The following MEF2C variants were observed in gnomAD, a reference collection of about 807,000 sequenced individuals.
MEF2C encodes the protein myocyte enhancer factor 2C.
In MEF2C, 6 loss-of-function variants were observed where a neutral mutation model predicts 50.5. The ratio of observed to expected loss-of-function variants is 0.12; its 90% confidence interval spans 0.07 to 0.23. MEF2C has a LOEUF of 0.23. Among genes scored for constraint, MEF2C ranks in the 10% least tolerant of loss-of-function variants. The pLI is 1.00. For missense variants in MEF2C, 276 were observed against 605.0 expected, an observed-to-expected ratio of 0.46 and a Z score of 5.70; for synonymous variants, 183 against 228.0, an observed-to-expected ratio of 0.80 and a Z score of 1.78.
At chr5:88,759,937 G>C (rs1777101456) in intron 4 of MEF2C, among the ~76,000 whole-genome samples, 2 of 152,200 alleles carry the variant, frequency 1.3e-5, no homozygotes, top group African/African-American at 2.4e-5. Context: ...TGTGAATTTG[G>C]CCTCGAACTT....
At chr5:88,808,921 A>G (rs1581047411) in intron 2 of MEF2C, among the ~76,000 whole-genome samples, 1 of 152,118 alleles carries the variant, frequency 6.6e-6, no homozygotes, top group East Asian at 1.9e-4. Context: ...TTTAAATAAC[A>G]TGTTTGGAAC....
chr5:88,854,464 A>G (rs1193332863), intron 1 of MEF2C, among the ~76,000 whole-genome samples: 1 of 152,222 alleles, frequency 6.6e-6, no homozygotes, highest in African/African-American at 2.4e-5. Context: ...AGTAAACACC[A>G]TAAAAGAGAC....
intron 5 of MEF2C, among the ~76,000 whole-genome samples, chr5:88,750,606 G>A (rs1772263754): frequency 6.6e-6 from 1 of 152,170 alleles, no homozygotes; most frequent in Non-Finnish European, 1.5e-5. Flanking sequence ...TTATCAAATA[G>A]GAAAGTGAAC....
chr5:88,758,702 T>G (rs1462475537), intron 4 of MEF2C, among the ~76,000 whole-genome samples: 1 of 152,178 alleles, frequency 6.6e-6, no homozygotes, highest in Non-Finnish European at 1.5e-5. Flanking sequence ...AACTGGGCTT[T>G]TCATCGTGAA....
At chr5:88,758,340 G>C (rs1424470072) in intron 4 of MEF2C, among the ~76,000 whole-genome samples, 1 of 152,044 alleles carries the variant, frequency 6.6e-6, no homozygotes, top group African/African-American at 2.4e-5. Context: ...TCCTCAGACG[G>C]AGGTGTTTTC....
chr5:88,723,013 C>G (rs1756877767), intron 10 of MEF2C, 88 bp from the exon 11 acceptor site: 1 of 1,146,062 alleles, frequency 8.7e-7, no homozygotes, highest in Admixed American at 2.7e-5. Flanking sequence ...AGCTTAAAGA[C>G]TCGCATAGAC....
In MEF2C at chr5:88,845,777, G is replaced by A. The variant is rs1436207986; in HGVS notation, c.-142-21847C>T. On this transcript the variant is annotated intron_variant, in intron 1 of 10. Transcript: ENST00000504921. ...CTTTTGTTTTTTGAGATGGAGTCTC[G>A]CTCTGTCGCCAGGCTGGAGTACAGC... 2.0e-5 allele frequency among the ~76,000 whole-genome samples: 3 copies of A among 151,968 alleles called. 1 individual carries two copies. Among genetic ancestry groups the A allele is most frequent in the East Asian group, 3.9e-4 (2 of 5,184 alleles).
chr5:88,765,980 G>T (rs1779873286), intron 3 of MEF2C, among the ~76,000 whole-genome samples: 1 of 152,192 alleles, frequency 6.6e-6, no homozygotes, highest in Non-Finnish European at 1.5e-5. Flanking sequence ...GACAGCGATT[G>T]TCATACTGTG....
chr5:88,743,002 TG>T (rs1767575113), intron 6 of MEF2C: 1 of 974,098 alleles, frequency 1.0e-6, no homozygotes, highest in Admixed American at 6.2e-5. Context: ...ACTTATGTTT[TG>T]GGTGAACTCC....
At chr5:88,775,193 G>A (rs1221803324) in intron 3 of MEF2C, among the ~76,000 whole-genome samples, 1 of 152,118 alleles carries the variant, frequency 6.6e-6, no homozygotes, top group African/African-American at 2.4e-5. Context: ...TTCAGAGTTA[G>A]GGTCCTCTGC....
chr5:88,723,564 A>T (rs1757209067), intron 10 of MEF2C, among the ~76,000 whole-genome samples: 1 of 152,246 alleles, frequency 6.6e-6, no homozygotes, highest in Non-Finnish European at 1.5e-5. Context: ...AATTATCTGC[A>T]GAAAGTTTAA....
At chr5:88,773,424 C>T (rs771753469) in intron 3 of MEF2C, among the ~76,000 whole-genome samples, 9 of 152,108 alleles carry the variant, frequency 5.9e-5, no homozygotes, top group Non-Finnish European at 1.2e-4. Context: ...GAAAAAATCA[C>T]GTGGAAGAGA....
chr5:88,850,721 T>C (rs113530070), intron 1 of MEF2C, among the ~76,000 whole-genome samples: 5,665 of 151,472 alleles, frequency 0.037, 110 homozygotes, highest in Non-Finnish European at 0.041. Context: ...CACACACACA[T>C]ATATATGCAC....
At chr5:88,806,648 A>G (rs1800555202) in intron 2 of MEF2C, among the ~76,000 whole-genome samples, 1 of 152,070 alleles carries the variant, frequency 6.6e-6, no homozygotes. Flanking sequence ...TTATTGTTTT[A>G]CTTATCACCT....
chr5:88,850,793 C>T (rs1460626467), intron 1 of MEF2C, among the ~76,000 whole-genome samples: 1 of 151,916 alleles, frequency 6.6e-6, no homozygotes, highest in Non-Finnish European at 1.5e-5. Flanking sequence ...CCTTGAACAA[C>T]ACCCACAGGT....
At chr5:88,887,163 G>C (rs1166180690), upstream of MEF2C, among the ~76,000 whole-genome samples, 1 of 152,144 alleles carries the variant, frequency 6.6e-6, no homozygotes, top group Non-Finnish European at 1.5e-5. Context: ...AAGTGAACAT[G>C]GTGGTTTAGA....
chr5:88,866,045 G>T (rs1458821605), intron 1 of MEF2C, among the ~76,000 whole-genome samples: 2 of 152,002 alleles, frequency 1.3e-5, no homozygotes, highest in African/African-American at 4.8e-5. Context: ...ACAGGCGCCC[G>T]CAACCACGCC....
intron 6 of MEF2C, chr5:88,738,309 T>A: frequency 1.0e-6 from 1 of 985,362 alleles, no homozygotes; most frequent in Non-Finnish European, 1.2e-6. Flanking sequence ...TGTATAGTAT[T>A]ATTTACCAAC....
chr5:88,774,193 G>A (rs1783720939), intron 3 of MEF2C, among the ~76,000 whole-genome samples: 1 of 152,224 alleles, frequency 6.6e-6, no homozygotes, highest in African/African-American at 2.4e-5. Context: ...TCAGGATGTT[G>A]TCAAATGGTC....
Sources: gnomAD v4.1 joint callset for allele counts (sites outside exome capture counted in the v4.1 genomes callset) on GRCh38, gnomAD v4.1.1 for gene constraint, MANE v1.5 for transcripts, NCBI Gene and HGNC (gene_info 2026-07-23, HGNC 2026-07-21) for gene names.